Variants in ADAMTS18 observed in about 807,000 individuals in gnomAD.
ADAMTS18 encodes the protein A disintegrin and metalloproteinase with thrombospondin motifs 18.
ADAMTS18 carries 157 observed loss-of-function variants against 165.9 expected under a neutral mutation model. The observed-to-expected ratio is 0.95, with a 90% CI of 0.83 to 1.08. The LOEUF (loss-of-function observed/expected upper bound fraction) is 1.08, where lower values mean the gene tolerates loss of function less well. ADAMTS18 is among the 50% of genes least tolerant of loss of function. The probability of loss-of-function intolerance (pLI) is 0.00; values close to 1 mark genes in which losing one functional copy is unlikely to be tolerated. For missense variants in ADAMTS18, 2,040 were observed against 1,534.0 expected (o/e 1.33, Z -5.51); for synonymous variants, 782 against 578.2 (o/e 1.35, Z -5.06).
intron 10 of ADAMTS18, among the ~76,000 whole-genome samples, chr16:77,342,580 C>A (rs1971752): frequency 0.29 from 44,114 of 152,012 alleles, 7,422 homozygotes; most frequent in East Asian, 0.61. Flanking sequence ...CATGAGCCAC[C>A]AGGCCTGGCC....
intron 11 of ADAMTS18, among the ~76,000 whole-genome samples, chr16:77,338,731 A>G (rs1030851827): frequency 2.6e-4 from 39 of 152,020 alleles, no homozygotes; most frequent in African/African-American, 9.2e-4. Flanking sequence ...AGGCGGATGG[A>G]TCACATGGTC....
chr16:77,350,261 G>C (rs947884370), intron 10 of ADAMTS18, among the ~76,000 whole-genome samples: 10 of 152,126 alleles, frequency 6.6e-5, no homozygotes, highest in African/African-American at 2.4e-4. Flanking sequence ...ATCAAGTCTG[G>C]CATGCTGAAG....
In ADAMTS18 at chr16:77,367,618, C is replaced by G. The variant is rs112141546; in HGVS notation, c.601G>C (p.Val201Leu). The G allele has an allele frequency of 2.5e-6, 4 of 1,614,140 alleles. No homozygotes were observed. Among genetic ancestry groups the G allele is most frequent in the Admixed American group, 1.7e-5 (1 of 60,020 alleles). The change falls in exon 4 of 23, where the codon GTA (valine) becomes CTA (leucine). Residue 201 changes from valine (V) to leucine (L), a missense_variant. Physicochemically the swap from Val to Leu is conservative, Grantham distance 32. Transcript: ENST00000282849. ...TCCTCTGCTGTCCTTTTGTACAGTA[C>G]GTGAGGATGGTGACCCGCAGGGGAG... ...YSSPAGHHPH[V>L]LYKRTAEEKI...
intron 3 of ADAMTS18, among the ~76,000 whole-genome samples, chr16:77,393,342 G>C (rs1226520564): frequency 6.6e-6 from 1 of 152,190 alleles, no homozygotes; most frequent in Non-Finnish European, 1.5e-5. Context: ...TAGGGAAGCA[G>C]GCTGGTTTGA....
chr16:77,341,624 C>A, intron 11 of ADAMTS18, 80 bp downstream of exon 11: 1 of 1,137,012 alleles, frequency 8.8e-7, no homozygotes, highest in South Asian at 1.3e-5. Context: ...AGCATTCACC[C>A]TAAGGTCACA....
Position 77,297,488 on chromosome 16 carries a change from T to C in ADAMTS18, c.2675-73A>G. 2.8e-6 allele frequency: 4 copies of C among 1,432,974 alleles called. 1 individual carries two copies. In the South Asian group the frequency reaches 4.6e-5, roughly 16 times the overall value. 88.8% of individuals were successfully genotyped at this position (1,432,974 alleles called of 1,614,324 possible). On this transcript the variant is annotated intron_variant, in intron 17 of 22. Transcript: ENST00000282849. ...TCAATTTGGTTCTAAGTTTAGCTTC[T>C]GATTTACCAGCATTGTGATATTTTA...
chr16:77,289,441 A>G (rs1309176771), intron 21 of ADAMTS18, 30 bp from the exon 22 acceptor site: 1 of 1,612,700 alleles, frequency 6.2e-7, no homozygotes, highest in African/African-American at 1.3e-5. Context: ...AAGGAGTCAG[A>G]AACACTCTAC....
chr16:77,384,483 G>A (rs564569831), intron 3 of ADAMTS18, among the ~76,000 whole-genome samples: 54 of 152,182 alleles, frequency 3.5e-4, no homozygotes, highest in Non-Finnish European at 4.7e-4. Context: ...CATACTGACT[G>A]AATAGGGGAA....
intron 2 of ADAMTS18, among the ~76,000 whole-genome samples, chr16:77,432,760 C>G (rs192096856): frequency 7.3e-6 from 1 of 136,686 alleles, no homozygotes; most frequent in Non-Finnish European, 1.7e-5. Flanking sequence ...CAACCTTCCC[C>G]CTCCTCCAAT....
At chr16:77,397,105 G>A (rs1033785506) in intron 3 of ADAMTS18, among the ~76,000 whole-genome samples, 5 of 152,108 alleles carry the variant, frequency 3.3e-5, no homozygotes, top group South Asian at 2.1e-4. Context: ...CACCACGGCC[G>A]GCCTGGATTG....
At chr16:77,420,553 G>C (rs1282742998) in intron 3 of ADAMTS18, among the ~76,000 whole-genome samples, 1 of 152,060 alleles carries the variant, frequency 6.6e-6, no homozygotes, top group Non-Finnish European at 1.5e-5. Context: ...TACACACCGA[G>C]GTTAAATATG....
At position 77,408,154 on chromosome 16, in the gene ADAMTS18, T is replaced by C. The variant is rs112701720; in HGVS notation, c.495+23141A>G. 3.8e-4 allele frequency among the ~76,000 whole-genome samples: 58 copies of C among 152,248 alleles called. 2 individuals are homozygous for C. Among genetic ancestry groups the C allele is most frequent in the Middle Eastern group, 6.8e-3 (2 of 294 alleles). On this transcript the variant is annotated intron_variant, in intron 3 of 22. Transcript: ENST00000282849. ...TCATCAGAGAGACACAGATTTACTA[T>C]ATGATATACCAAGCATACTCTAGAT...
chr16:77,433,046 C>T (rs1030608103), intron 2 of ADAMTS18, among the ~76,000 whole-genome samples: 1 of 152,050 alleles, frequency 6.6e-6, no homozygotes, highest in African/African-American at 2.4e-5. Context: ...AAGTTTTTCC[C>T]CTCTCTTAAC....
chr16:77,348,093 T>C (rs571131297), intron 10 of ADAMTS18, among the ~76,000 whole-genome samples: 57 of 152,274 alleles, frequency 3.7e-4, no homozygotes, highest in Non-Finnish European at 6.2e-4. Flanking sequence ...CACTACAATT[T>C]TGACTCTAAA....
At chr16:77,390,516 G>A (rs2144788181) in intron 3 of ADAMTS18, among the ~76,000 whole-genome samples, 1 of 152,008 alleles carries the variant, frequency 6.6e-6, no homozygotes, top group South Asian at 2.1e-4. Flanking sequence ...ATGGTGAAAT[G>A]CCGTCTCTAC....
At chr16:77,357,603 A>G (rs1410410006) in intron 8 of ADAMTS18, among the ~76,000 whole-genome samples, 1 of 152,242 alleles carries the variant, frequency 6.6e-6, no homozygotes, top group Non-Finnish European at 1.5e-5. Context: ...TGAAGCCATT[A>G]CGCTAGAGGA....
Position 77,410,822 on chromosome 16 carries a change from C to T in ADAMTS18, c.495+20473G>A, listed in dbSNP as rs146504819. ...ACTGAGTACAGGTAGCTGGGAACCC[C>T]TTCTAGCACCCAGCCAATATGGCAA... On this transcript the variant is annotated intron_variant, in intron 3 of 22. Coordinates refer to ENST00000282849, the MANE Select transcript of ADAMTS18 (RefSeq NM_199355.4). Among the ~76,000 whole-genome samples, 758 of 152,300 alleles carry T rather than the reference C, an allele frequency of 5.0e-3. 4 individuals carry two copies. Among genetic ancestry groups the T allele is most frequent in the African/African-American group, 0.017 (708 of 41,556 alleles).
At chr16:77,367,223 A>G (rs1444212266) in intron 4 of ADAMTS18, among the ~76,000 whole-genome samples, 1 of 152,202 alleles carries the variant, frequency 6.6e-6, no homozygotes, top group East Asian at 1.9e-4. Context: ...GAGATACTAA[A>G]AGAGTAAAAA....
chr16:77,294,208 G>A (rs1222937958), intron 19 of ADAMTS18, among the ~76,000 whole-genome samples: 1 of 152,018 alleles, frequency 6.6e-6, no homozygotes, highest in Non-Finnish European at 1.5e-5. Flanking sequence ...ATCTGCAAGG[G>A]AAGCTGTAGG....
Sources: gnomAD v4.1 joint callset for allele counts (sites outside exome capture counted in the v4.1 genomes callset) on GRCh38, gnomAD v4.1.1 for gene constraint, MANE v1.5 for transcripts, NCBI Gene and HGNC (gene_info 2026-07-23, HGNC 2026-07-21) for gene names.